Variants in SUMF1 observed in about 807,000 individuals in gnomAD.
The protein encoded by SUMF1 is sulfatase modifying factor 1, also known as formylglycine-generating enzyme.
A neutral mutation model predicts 47.6 loss-of-function variants in SUMF1; 48 were observed. That is an observed-to-expected ratio of 1.01 (90% CI 0.80 to 1.28). The LOEUF is 1.28. Among genes scored for constraint, SUMF1 ranks in the 50% most tolerant of loss-of-function variants. The pLI is 0.00. For synonymous variants in SUMF1, 230 were observed against 192.1 expected (o/e 1.20, Z -1.63); for missense variants, 571 against 485.4 (o/e 1.18, Z -1.66).
At chr3:4,153,512 C>T (rs959943781) in intron 8 of SUMF1, among the ~76,000 whole-genome samples, 1 of 134,700 alleles carries the variant, frequency 7.4e-6, no homozygotes, top group African/African-American at 2.7e-5. Context: ...CACAATGCCC[C>T]GCCTTGTAGG....
intron 8 of SUMF1, among the ~76,000 whole-genome samples, chr3:4,349,699 C>A (rs910564480): frequency 1.3e-5 from 2 of 152,172 alleles, no homozygotes; most frequent in Non-Finnish European, 2.9e-5. Flanking sequence ...ATGGATGAAG[C>A]TGGAAGCCAT....
At chr3:4,098,078 C>G (rs1346262777) in intron 8 of SUMF1, among the ~76,000 whole-genome samples, 1 of 152,086 alleles carries the variant, frequency 6.6e-6, no homozygotes, top group African/African-American at 2.4e-5. Context: ...ATCTTCCTGT[C>G]AGGGTTGAGA....
intron 8 of SUMF1, among the ~76,000 whole-genome samples, chr3:4,144,313 G>T (rs1403552990): frequency 1.3e-5 from 2 of 151,984 alleles, no homozygotes; most frequent in African/African-American, 4.8e-5. Flanking sequence ...CCAAAGAAAA[G>T]AATAAGTATG....
At chr3:4,193,359 C>T (rs1695361578) in intron 8 of SUMF1, among the ~76,000 whole-genome samples, 1 of 152,032 alleles carries the variant, frequency 6.6e-6, no homozygotes, top group Non-Finnish European at 1.5e-5. Flanking sequence ...TAGCACTTTC[C>T]TGAATTTGTG....
chr3:4,320,574 TATGAG>T (rs1482555792), intron 8 of SUMF1, among the ~76,000 whole-genome samples: 2 of 152,142 alleles, frequency 1.3e-5, no homozygotes, highest in Admixed American at 6.6e-5. Flanking sequence ...TGATGACAGT[TATGAG>T]AGGAAAAGGA....
intron 7 of SUMF1, among the ~76,000 whole-genome samples, chr3:4,395,508 C>T (rs1371629545): frequency 1.3e-5 from 2 of 151,938 alleles, no homozygotes; most frequent in Admixed American, 1.3e-4. Flanking sequence ...AGGTGACGCC[C>T]AAAGAAAGGT....
intron 8 of SUMF1, among the ~76,000 whole-genome samples, chr3:4,110,832 G>A (rs1449380612): frequency 1.5e-5 from 2 of 131,138 alleles, no homozygotes; most frequent in Admixed American, 1.7e-4. Context: ...GTCACACACT[G>A]GGGCCTGTTG....
At chr3:4,228,583 C>G (rs1024137346) in intron 8 of SUMF1, among the ~76,000 whole-genome samples, 7 of 152,122 alleles carry the variant, frequency 4.6e-5, no homozygotes, top group Non-Finnish European at 1.0e-4. Context: ...TTCCCTAGGT[C>G]TGATGTATGG....
chr3:4,110,626 A>T (rs1024984234), intron 8 of SUMF1, among the ~76,000 whole-genome samples: 6 of 152,030 alleles, frequency 3.9e-5, no homozygotes, highest in Non-Finnish European at 8.8e-5. Context: ...GGATTAAGAA[A>T]ATGTGGCACA....
intron 8 of SUMF1, chr3:4,316,201 G>A (rs962547874): frequency 1.5e-5 from 10 of 680,190 alleles, no homozygotes; most frequent in South Asian, 3.2e-5. Flanking sequence ...TGCTGTTTAT[G>A]TTTATTTTAG....
In SUMF1 at chr3:4,140,970, C is replaced by T. The variant is rs1389240280; in HGVS notation, c.1015-72225G>A. On this transcript the variant is annotated intron_variant and NMD_transcript_variant, in intron 8 of 12. Transcript: ENST00000448413. Reference sequence around the variant, plus strand: ...GTCCCTGAAAAATAGAAAAAGCTTGCATTTCATGAGTTTTCACATGATAAG... The same window carrying T: ...GTCCCTGAAAAATAGAAAAAGCTTGTATTTCATGAGTTTTCACATGATAAG... 2.6e-5 allele frequency among the ~76,000 whole-genome samples: 4 copies of T among 152,086 alleles called. No individual in the cohort carries two copies. The East Asian group carries it at 7.7e-4, about 29-fold the overall frequency.
chr3:4,433,511 T>C (rs1302013370), intron 3 of SUMF1, among the ~76,000 whole-genome samples: 1 of 152,214 alleles, frequency 6.6e-6, no homozygotes, highest in African/African-American at 2.4e-5. Flanking sequence ...AAGACAGTGT[T>C]ACCTTCTTAT....
At chr3:4,153,067 A>G (rs966022398) in intron 8 of SUMF1, among the ~76,000 whole-genome samples, 1 of 151,582 alleles carries the variant, frequency 6.6e-6, no homozygotes, top group Admixed American at 6.6e-5. Context: ...AGAACCCTGC[A>G]AAGTTACAGC....
chr3:4,177,588 G>A (rs1163689358), intron 8 of SUMF1, among the ~76,000 whole-genome samples: 1 of 152,094 alleles, frequency 6.6e-6, no homozygotes, highest in South Asian at 2.1e-4. Context: ...GAGAAAGCAG[G>A]AAAGATCTAA....
intron 8 of SUMF1, among the ~76,000 whole-genome samples, chr3:4,094,885 A>G (rs947135301): frequency 2.0e-5 from 3 of 152,166 alleles, no homozygotes; most frequent in Non-Finnish European, 4.4e-5. Context: ...GCTGACTCCA[A>G]GCCATGCTAA....
At chr3:4,253,567 G>A (rs943917029) in intron 8 of SUMF1, among the ~76,000 whole-genome samples, 22 of 151,006 alleles carry the variant, frequency 1.5e-4, no homozygotes, top group Non-Finnish European at 2.8e-4. Flanking sequence ...CTTAAAAAAC[G>A]GCGCACCATG....
chr3:4,329,659 C>A (rs970905835), intron 8 of SUMF1, among the ~76,000 whole-genome samples: 12 of 152,216 alleles, frequency 7.9e-5, no homozygotes, highest in Non-Finnish European at 1.5e-4. Context: ...CTGAGGACTT[C>A]TGATATGCCC....
intron 8 of SUMF1, among the ~76,000 whole-genome samples, chr3:4,295,888 T>G (rs1697840355): frequency 6.6e-6 from 1 of 152,182 alleles, no homozygotes; most frequent in Non-Finnish European, 1.5e-5. Context: ...ACAAGGGAAA[T>G]TATGGGTTTC....
intron 8 of SUMF1, among the ~76,000 whole-genome samples, chr3:4,093,299 T>A (rs1176150759): frequency 6.6e-6 from 1 of 152,130 alleles, no homozygotes; most frequent in Non-Finnish European, 1.5e-5. Context: ...GATAACTTGT[T>A]ATATGTCAAT....
Sources: gnomAD v4.1 joint callset for allele counts (sites outside exome capture counted in the v4.1 genomes callset) on GRCh38, gnomAD v4.1.1 for gene constraint, MANE v1.5 for transcripts, NCBI Gene and HGNC (gene_info 2026-07-23, HGNC 2026-07-21) for gene names.